NAA60: variants seen among roughly 807,000 people sequenced by gnomAD.
NAA60 encodes N-alpha-acetyltransferase 60, NatF catalytic subunit.
Under a neutral mutation model 26.1 loss-of-function variants are expected in NAA60, and 8 were observed. The ratio of observed to expected loss-of-function variants is 0.31; its 90% CI spans 0.18 to 0.55. NAA60 has a LOEUF of 0.55. NAA60 is among the 20% of genes least tolerant of loss of function. The probability of loss-of-function intolerance (pLI) is 0.93; values close to 1 mark genes in which losing one functional copy is unlikely to be tolerated. For synonymous variants in NAA60, 131 were observed against 122.5 expected, an observed-to-expected ratio of 1.07 and a Z score of -0.46; for missense variants, 290 against 311.3, an observed-to-expected ratio of 0.93 and a Z score of 0.51.
Position 3,485,480 on chromosome 16 carries a change from C to T in NAA60, c.*220C>T, listed in dbSNP as rs753069234. ...TCTTTCCCACAGGCTCTTCAGCTCC[C>T]CTCCCTGCTTCTGGAAACCTCTGCC... On this transcript the variant is annotated 3_prime_UTR_variant, in exon 8 of 8. Transcript: ENST00000407558. The T allele has an allele frequency of 2.2e-6, 1 of 456,920 alleles. No homozygotes were observed. The highest frequency in any genetic ancestry group is 2.3e-5 in the Admixed American group (1 of 42,564). The allele number at this position is 456,920 out of a possible 1,614,324, so 28.3% of individuals were successfully genotyped here.
At chr16:3,484,460 T>C (rs1018547855) in intron 6 of NAA60, 138 of 586,712 alleles carry the variant, frequency 2.4e-4, no homozygotes, top group Admixed American at 7.2e-4. Flanking sequence ...TCCACATGCC[T>C]GCTGCCTCAC....
chr16:3,476,454 C>A, intron 3 of NAA60, 117 bp downstream of exon 3: 1 of 795,602 alleles, frequency 1.3e-6, no homozygotes, highest in Non-Finnish European at 2.0e-6. Flanking sequence ...ATGGGAATGG[C>A]CTGGAGGGGC....
intron 1 of NAA60, among the ~76,000 whole-genome samples, chr16:3,446,872 A>C (rs1041162163): frequency 6.6e-6 from 1 of 151,564 alleles, no homozygotes; most frequent in Non-Finnish European, 1.5e-5. Flanking sequence ...CAGCCTCCCA[A>C]AGTGCTGGGA....
chr16:3,470,356 G>A (rs968082780), intron 2 of NAA60, among the ~76,000 whole-genome samples: 17 of 152,178 alleles, frequency 1.1e-4, no homozygotes, highest in African/African-American at 3.6e-4. Flanking sequence ...AATGGAACTC[G>A]CTATTCCCAG....
intron 3 of NAA60, among the ~76,000 whole-genome samples, chr16:3,478,014 A>C (rs1323724484): frequency 6.7e-6 from 1 of 149,424 alleles, no homozygotes; most frequent in Non-Finnish European, 1.5e-5. Context: ...GCAGTGAGCC[A>C]AGATTGTGGC....
At chr16:3,465,643 A>G (rs900182157) in intron 2 of NAA60, among the ~76,000 whole-genome samples, 2 of 152,094 alleles carry the variant, frequency 1.3e-5, no homozygotes, top group South Asian at 4.1e-4. Context: ...ATGCAGAGGG[A>G]TGGATCCCTG....
intron 2 of NAA60, among the ~76,000 whole-genome samples, chr16:3,460,365 G>A (rs1294996199): frequency 1.3e-5 from 2 of 151,968 alleles, no homozygotes; most frequent in Non-Finnish European, 2.9e-5. Context: ...TTTTTTTGTT[G>A]TCGTTGTTGT....
At chr16:3,475,881 G>T (rs541742608) in intron 2 of NAA60, among the ~76,000 whole-genome samples, 2 of 152,368 alleles carry the variant, frequency 1.3e-5, no homozygotes, top group South Asian at 2.1e-4. Flanking sequence ...GGCTGGGGCC[G>T]TTGACCCTCG....
chr16:3,470,606 T>TGC (rs1555487300), intron 2 of NAA60, among the ~76,000 whole-genome samples: 1 of 151,478 alleles, frequency 6.6e-6, no homozygotes, highest in African/African-American at 2.4e-5. Flanking sequence ...ACGGATACAC[T>TGC]GGGGAGACGG....
At chr16:3,458,094 T>C in intron 2 of NAA60, 25 of 985,248 alleles carry the variant, frequency 2.5e-5, no homozygotes, top group Non-Finnish European at 3.0e-5. Context: ...CGTTGCGGGC[T>C]CCGCGCGGTC....
Position 3,484,741 on chromosome 16 carries a change from C to A in NAA60, c.615C>A (p.Ser205Arg). 1 of 1,595,986 alleles carries A rather than the reference C, an allele frequency of 6.3e-7. No individual in the cohort carries two copies. Among genetic ancestry groups the A allele is most frequent in the South Asian group, 1.1e-5 (1 of 87,980 alleles). ...QHLGSALASL[S>R]PCSIPHRVYR... Reference sequence around the variant, plus strand: ...TGGGCTCTGCACTAGCCAGCCTGAGCCCCTGCTCCATTCCGCACAGAGTCT... The same window carrying A: ...TGGGCTCTGCACTAGCCAGCCTGAGACCCTGCTCCATTCCGCACAGAGTCT... Residue 205 changes from serine to arginine, a missense_variant, in exon 7 of 8, where the codon AGC (serine) becomes AGA (arginine). By Grantham distance (110) the Ser-to-Arg change is moderately radical (BLOSUM62 -1). Coordinates refer to ENST00000407558, the MANE Select transcript of NAA60 (RefSeq NM_001083601.3).
At chr16:3,443,962 T>G (rs1261363918) in intron 1 of NAA60, 125 bp downstream of exon 1, 1 of 1,388,408 alleles carries the variant, frequency 7.2e-7, no homozygotes, top group Non-Finnish European at 9.3e-7. Flanking sequence ...GAGCGGATGG[T>G]GGGGCCGTGG....
intron 4 of NAA60, among the ~76,000 whole-genome samples, chr16:3,480,956 ACCCGAAT>A (rs2036792409): frequency 6.6e-6 from 1 of 152,056 alleles, no homozygotes; most frequent in Non-Finnish European, 1.5e-5. Context: ...CCCTTTAAGG[ACCCGAAT>A]CCACTGGCAT....
At chr16:3,483,803 G>A in intron 6 of NAA60, 1 of 571,522 alleles carries the variant, frequency 1.7e-6, no homozygotes, top group African/African-American at 1.9e-5. Flanking sequence ...ATGTTGCCCA[G>A]GCTGGTCTCG....
In NAA60 at chr16:3,486,248, C is replaced by CTAG. The variant is rs2151026891; in HGVS notation, c.*989_*991dup. 1 of 155,178 alleles carries CTAG rather than the reference C, an allele frequency of 6.4e-6. No individual in the cohort carries two copies. The highest frequency in any genetic ancestry group is 2.4e-5 in the African/African-American group (1 of 41,602). The allele number at this position is 155,178 out of a possible 1,614,324, so 9.6% of individuals were successfully genotyped here. A position where few individuals can be genotyped will look rare whatever the true frequency, so the allele number is the denominator to read the frequency against. On this transcript the variant is annotated 3_prime_UTR_variant, in exon 8 of 8. Coordinates refer to ENST00000407558, the MANE Select transcript of NAA60 (RefSeq NM_001083601.3). ...AGTGCCGCAGGTGCATCACATACTT[C>CTAG]TAGCATCCTCTCCACCCTGCATTCC...
chr16:3,482,389 G>A (rs1181653110), intron 4 of NAA60, 113 bp from the exon 5 acceptor site: 9 of 820,476 alleles, frequency 1.1e-5, no homozygotes, highest in East Asian at 8.0e-5. Flanking sequence ...CCTCCCAGTC[G>A]GTGTCCCTCT....
At chr16:3,483,949 C>A (rs1465486357) in intron 6 of NAA60, 2 of 313,920 alleles carry the variant, frequency 6.4e-6, no homozygotes, top group Non-Finnish European at 1.2e-5. Flanking sequence ...CGGACAGGAT[C>A]CCCTGTCCTC....
chr16:3,448,601 C>T, intron 2 of NAA60, 61 bp downstream of exon 2: 1 of 1,403,062 alleles, frequency 7.1e-7, no homozygotes, highest in Non-Finnish European at 9.6e-7. Context: ...AGGAAGCCTA[C>T]TTAAGTGAAA....
chr16:3,458,255 G>T, intron 2 of NAA60: 1 of 919,042 alleles, frequency 1.1e-6, no homozygotes, highest in Non-Finnish European at 1.3e-6. Flanking sequence ...AGGCGGGGAG[G>T]CCGCGCCGGG....
Sources: allele counts gnomAD v4.1 joint callset (sites outside exome capture counted in the v4.1 genomes callset), GRCh38; gene constraint gnomAD v4.1.1; transcripts MANE v1.5; gene names NCBI Gene and HGNC (gene_info 2026-07-23, HGNC 2026-07-21).